The following VWA3B variants were observed in gnomAD, a reference collection of about 807,000 sequenced individuals.
VWA3B encodes von Willebrand factor A domain containing 3B.
A neutral mutation model predicts 158.3 loss-of-function variants in VWA3B; 138 were observed. The ratio of observed to expected loss-of-function variants is 0.87; its 90% CI spans 0.76 to 1.00. VWA3B has a LOEUF of 1.00. VWA3B is among the 50% of genes least tolerant of loss of function. The pLI is 0.00. For synonymous variants in VWA3B, 596 were observed against 587.3 expected (o/e 1.01, Z -0.21); for missense variants, 1,555 against 1,565.1 (o/e 0.99, Z 0.11).
intron 2 of VWA3B, among the ~76,000 whole-genome samples, chr2:98,105,952 G>A (rs1037278569): frequency 5.9e-5 from 9 of 151,816 alleles, no homozygotes; most frequent in Admixed American, 6.6e-5. Context: ...GTCTCGCTCT[G>A]TTGCCCAGGC....
chr2:98,109,613 C>T (rs1234343902), intron 2 of VWA3B, among the ~76,000 whole-genome samples: 2 of 152,094 alleles, frequency 1.3e-5, no homozygotes, highest in African/African-American at 4.8e-5. Flanking sequence ...TTCGTCTTTC[C>T]TGATGGTCCA....
chr2:98,094,009 A>G (rs1429004039), intron 2 of VWA3B, among the ~76,000 whole-genome samples: 2 of 152,110 alleles, frequency 1.3e-5, no homozygotes, highest in Non-Finnish European at 2.9e-5. Context: ...AATTGTGTAT[A>G]TATACTATGT....
intron 2 of VWA3B, among the ~76,000 whole-genome samples, chr2:98,111,077 A>G (rs1674098641): frequency 6.6e-6 from 1 of 152,188 alleles, no homozygotes; most frequent in Admixed American, 6.5e-5. Flanking sequence ...TGTCTTTATC[A>G]GCAGTGTGAA....
chr2:98,227,251 A>G (rs1684987937), intron 14 of VWA3B, among the ~76,000 whole-genome samples: 1 of 152,214 alleles, frequency 6.6e-6, no homozygotes, highest in South Asian at 2.1e-4. Flanking sequence ...TACTCCAACA[A>G]CAGACAAGCA....
intron 13 of VWA3B, among the ~76,000 whole-genome samples, chr2:98,215,632 C>T (rs1683921352): frequency 6.7e-6 from 1 of 149,436 alleles, no homozygotes; most frequent in South Asian, 2.1e-4. Flanking sequence ...ATTCTCCTGC[C>T]TCAGCCTCCC....
chr2:98,315,704 G>A (rs984134281), downstream of VWA3B, among the ~76,000 whole-genome samples: 1 of 152,156 alleles, frequency 6.6e-6, no homozygotes, highest in African/African-American at 2.4e-5. Flanking sequence ...AAAGGTGGAT[G>A]GGTTGTAGCC....
chr2:98,200,587 A>G (rs368224664), intron 12 of VWA3B, among the ~76,000 whole-genome samples: 48 of 151,794 alleles, frequency 3.2e-4, no homozygotes, highest in Admixed American at 1.6e-3. Context: ...TGTATTCTGC[A>G]CATAAACTTT....
At chr2:98,127,264 A>C (rs1217778722) in intron 5 of VWA3B, among the ~76,000 whole-genome samples, 1 of 152,072 alleles carries the variant, frequency 6.6e-6, no homozygotes, top group Non-Finnish European at 1.5e-5. Flanking sequence ...AAATGCACAC[A>C]TAGTTGGAAG....
chr2:98,089,379 C>T (rs747117401), intron 1 of VWA3B, among the ~76,000 whole-genome samples: 8 of 151,998 alleles, frequency 5.3e-5, no homozygotes, highest in Admixed American at 1.3e-4. Flanking sequence ...GGAGGGGCTG[C>T]GGAAGGTTGT....
chr2:98,128,116 G>T, intron 5 of VWA3B, 123 bp from the exon 6 acceptor site: 1 of 1,197,134 alleles, frequency 8.4e-7, no homozygotes. Flanking sequence ...CCCTGGGCAG[G>T]GCTGCTATTC....
chr2:98,128,055 A>G (rs1277400905), intron 5 of VWA3B, 184 bp from the exon 6 acceptor site: 1 of 638,564 alleles, frequency 1.6e-6, no homozygotes, highest in African/African-American at 1.8e-5. Context: ...CCTTCCTGGT[A>G]CCAAGCCTTG....
At chr2:98,100,558 G>C (rs939960917) in intron 2 of VWA3B, among the ~76,000 whole-genome samples, 8 of 152,242 alleles carry the variant, frequency 5.3e-5, no homozygotes, top group African/African-American at 1.9e-4. Context: ...TCAGCCAGTG[G>C]TGATAAGGGC....
intron 14 of VWA3B, among the ~76,000 whole-genome samples, chr2:98,219,147 G>A (rs760290468): frequency 6.6e-5 from 10 of 152,036 alleles, no homozygotes; most frequent in South Asian, 6.2e-4. Context: ...CTAGGCATGC[G>A]AAAAAGTAGG....
In VWA3B at chr2:98,245,503, G is replaced by C. The variant is rs1178235280; in HGVS notation, c.2674-4815G>C. 5 of 455,904 alleles carry C rather than the reference G, an allele frequency of 1.1e-5. No individual in the cohort carries two copies. In the East Asian group the frequency reaches 3.5e-4, roughly 32 times the overall value. The allele number at this position is 455,904 out of a possible 1,614,324, so 28.2% of individuals were successfully genotyped here. On this transcript the variant is annotated intron_variant, in intron 19 of 27. Transcript: ENST00000477737. ...CTTTCCCTGGATCTGCATGTGGAGA[G>C]GACGGAGAGTGGGTGCACACAAGCC...
intron 2 of VWA3B, among the ~76,000 whole-genome samples, chr2:98,097,205 A>G (rs185468371): frequency 1.3e-5 from 2 of 152,296 alleles, no homozygotes; most frequent in Admixed American, 1.3e-4. Flanking sequence ...CTGTAACCCA[A>G]GCAGTGCACA....
chr2:98,162,861 C>A lies in VWA3B; in HGVS notation c.999C>A (p.Val333=), dbSNP rs1213700946. 1.2e-6 allele frequency: 2 copies of A among 1,613,632 alleles called. No individual in the cohort carries two copies. Among genetic ancestry groups the A allele is most frequent in the Admixed American group, 3.3e-5 (2 of 60,022 alleles). The change falls in exon 8 of 28, where the codon GTC becomes GTA. Residue 333 remains valine (V), a synonymous_variant. Coordinates refer to ENST00000477737, the MANE Select transcript of VWA3B (RefSeq NM_144992.5). ...LKGKLPPGAG[V]REDVFLVWQE... ...TGTCTCCCCTTTTAGGAGCTGGAGT[C>A]AGAGAGGACGTGTTTCTCGTTTGGC...
At chr2:98,119,822 T>C in intron 4 of VWA3B, 59 bp downstream of exon 4, 2 of 1,589,642 alleles carry the variant, frequency 1.3e-6, no homozygotes, top group Non-Finnish European at 1.7e-6. Flanking sequence ...TGTACATATT[T>C]GGAATTAAGT....
Position 98,312,258 on chromosome 2 carries a change from T to C in VWA3B, c.3794T>C (p.Ile1265Thr). Reference sequence around the variant, plus strand: ...CTAGGACTCAGCAGCCACGCCATCATTGCCACACCTCCACCTCGAGCAGCC... The same window carrying C: ...CTAGGACTCAGCAGCCACGCCATCACTGCCACACCTCCACCTCGAGCAGCC... ...GRLGLSSHAI[I>T]ATPPPRAALP... Residue 1265 changes from isoleucine (I) to threonine (T), a missense_variant, in exon 28 of 28, where the codon ATT (isoleucine) becomes ACT (threonine). By Grantham distance (89) the Ile-to-Thr change is moderately conservative. Coordinates refer to ENST00000477737, the MANE Select transcript of VWA3B (RefSeq NM_144992.5). 1.2e-6 allele frequency: 2 copies of C among 1,614,122 alleles called. No individual in the cohort carries two copies. The highest frequency in any genetic ancestry group is 1.7e-6 in the Non-Finnish European group (2 of 1,180,016).
chr2:98,325,099 T>G, the VWA3B span, among the ~76,000 whole-genome samples: 38 of 152,248 alleles, frequency 2.5e-4, no homozygotes, highest in East Asian at 3.1e-3. Context: ...AAGAGAGAGA[T>G]AACGGGGAAA....
Sources: allele counts gnomAD v4.1 joint callset (sites outside exome capture counted in the v4.1 genomes callset), GRCh38; gene constraint gnomAD v4.1.1; transcripts MANE v1.5; gene names NCBI Gene and HGNC (gene_info 2026-07-23, HGNC 2026-07-21).